Variants in KCTD20 observed in about 807,000 individuals in gnomAD.
The protein encoded by KCTD20 is BTB/POZ domain-containing protein KCTD20.
Under a neutral mutation model 39.6 loss-of-function variants are expected in KCTD20, and 30 were observed. That is an observed-to-expected ratio of 0.76 (90% CI 0.57 to 1.03). KCTD20 has a LOEUF of 1.03. KCTD20 is among the 50% of genes least tolerant of loss of function. The pLI, the probability that KCTD20 is intolerant of heterozygous loss-of-function variation, is 0.00. For missense variants in KCTD20, 422 were observed against 522.0 expected, an observed-to-expected ratio of 0.81 and a Z score of 1.87; for synonymous variants, 162 against 180.6, an observed-to-expected ratio of 0.90 and a Z score of 0.83.
chr6:36,471,449 A>G (rs1408048343), intron 2 of KCTD20, among the ~76,000 whole-genome samples: 1 of 152,152 alleles, frequency 6.6e-6, no homozygotes, highest in Non-Finnish European at 1.5e-5. Flanking sequence ...AGTGGCAGAG[A>G]CTGACCACAA....
At position 36,486,879 on chromosome 6, in the gene KCTD20, G is replaced by A. The variant is rs1776438024; in HGVS notation, c.968-4G>A. The A allele has an allele frequency of 1.2e-6, 2 of 1,607,228 alleles. No homozygotes were observed. The highest frequency in any genetic ancestry group is 1.7e-6 in the Non-Finnish European group (2 of 1,176,976). On this transcript the variant is annotated splice_region_variant and splice_polypyrimidine_tract_variant and intron_variant, in intron 7 of 7. Transcript: ENST00000373731. ...GTCATGAGAATGGCCTTTTTCCATTGCAGGTTACCCTACCTGTAAAGAAAA... is the reference window on the plus strand; with the variant it reads ...GTCATGAGAATGGCCTTTTTCCATTACAGGTTACCCTACCTGTAAAGAAAA...
At chr6:36,486,054 ACCACTATGCT>A (rs1234860714) in intron 7 of KCTD20, among the ~76,000 whole-genome samples, 1 of 151,942 alleles carries the variant, frequency 6.6e-6, no homozygotes, top group Non-Finnish European at 1.5e-5. Context: ...ACAGGCATGC[ACCACTATGCT>A]CCACTATTTT....
chr6:36,451,467 A>G (rs1775252689), intron 1 of KCTD20: 1 of 152,130 alleles, frequency 6.6e-6, no homozygotes, highest in Non-Finnish European at 1.5e-5. Context: ...AATCTAATAT[A>G]TCAATACTAT....
chr6:36,471,776 C>T (rs1021479696), intron 2 of KCTD20, among the ~76,000 whole-genome samples: 1 of 151,988 alleles, frequency 6.6e-6, no homozygotes, highest in Admixed American at 6.6e-5. Context: ...GGAATAAACC[C>T]ATTTTAATTG....
intron 1 of KCTD20, among the ~76,000 whole-genome samples, chr6:36,462,743 G>A (rs1775636244): frequency 6.6e-6 from 1 of 152,202 alleles, no homozygotes; most frequent in South Asian, 2.1e-4. Context: ...AAGCAAGACT[G>A]TGTCTTAGGT....
chr6:36,459,348 G>C (rs1351309802), intron 1 of KCTD20, among the ~76,000 whole-genome samples: 1 of 152,112 alleles, frequency 6.6e-6, no homozygotes, highest in Non-Finnish European at 1.5e-5. Context: ...TAGGTACAAA[G>C]GATAGCCCTT....
chr6:36,449,318 G>T (rs1352905801), intron 1 of KCTD20, among the ~76,000 whole-genome samples: 1 of 151,994 alleles, frequency 6.6e-6, no homozygotes, highest in Non-Finnish European at 1.5e-5. Context: ...TAGACACAGA[G>T]CACTGATTGG....
intron 7 of KCTD20, among the ~76,000 whole-genome samples, chr6:36,485,488 CTTTTTTTTTT>C (rs34990483): frequency 1.0e-5 from 1 of 97,100 alleles, no homozygotes. Flanking sequence ...TGGAGTGGAT[CTTTTTTTTTT>C]TTTTTTTTTT....
intron 3 of KCTD20, among the ~76,000 whole-genome samples, chr6:36,478,852 A>G (rs1267348459): frequency 6.6e-6 from 1 of 152,244 alleles, no homozygotes; most frequent in Non-Finnish European, 1.5e-5. Context: ...TTTACTGCCA[A>G]AGAAACTCAC....
intron 7 of KCTD20, among the ~76,000 whole-genome samples, chr6:36,485,197 G>T (rs1582378287): frequency 6.6e-6 from 1 of 151,988 alleles, no homozygotes; most frequent in African/African-American, 2.4e-5. Context: ...ATAGCTTGGG[G>T]ACTCAAAATT....
At chr6:36,476,494 A>G (rs889840407) in intron 3 of KCTD20, among the ~76,000 whole-genome samples, 1 of 150,364 alleles carries the variant, frequency 6.7e-6, no homozygotes, top group Non-Finnish European at 1.5e-5. Flanking sequence ...CAGTGGTGCA[A>G]TCTCGGCTCA....
chr6:36,479,779 ATTTTTTTTTTT>A (rs58609674), intron 5 of KCTD20, 68 bp downstream of exon 5: 69 of 268,408 alleles, frequency 2.6e-4, no homozygotes, highest in East Asian at 1.5e-3. Context: ...GAAGTCACCG[ATTTTTTTTTTT>A]TTTTTTTTTT....
chr6:36,471,650 A>G (rs886935389), intron 2 of KCTD20, among the ~76,000 whole-genome samples: 6 of 152,168 alleles, frequency 3.9e-5, no homozygotes, highest in African/African-American at 1.4e-4. Context: ...TAACTGACAG[A>G]AAAGCCTATG....
chr6:36,455,594 A>AGTGTGTGTGTGTGT (rs71737281), intron 1 of KCTD20, among the ~76,000 whole-genome samples: 69 of 150,466 alleles, frequency 4.6e-4, no homozygotes, highest in Middle Eastern at 3.5e-3. Context: ...TAGAACCAGT[A>AGTGTGTGTGTGTGT]GTGTGTGTGT....
intron 5 of KCTD20, among the ~76,000 whole-genome samples, chr6:36,481,204 A>G (rs1776235755): frequency 6.6e-6 from 1 of 152,232 alleles, no homozygotes; most frequent in Admixed American, 6.5e-5. Context: ...ATGGTACTCT[A>G]ACTCCATGAA....
rs186837777 is a variant in KCTD20, at chr6:36,450,096, G to A, written c.-47+6985G>A. 3.9e-3 allele frequency among the ~76,000 whole-genome samples: 586 copies of A among 149,652 alleles called. 5 individuals are homozygous for A. Among genetic ancestry groups the A allele is most frequent in the African/African-American group, 0.013 (542 of 40,568 alleles). ...GGAGAATGGCGTGAACCCAGGAGGC[G>A]GAGCTTGCAGTGAGCCGAGATTGCG... On this transcript the variant is annotated intron_variant, in intron 1 of 7. Transcript: ENST00000373731.
intron 1 of KCTD20, among the ~76,000 whole-genome samples, chr6:36,463,536 G>A (rs957877667): frequency 1.3e-5 from 2 of 152,192 alleles, no homozygotes; most frequent in African/African-American, 2.4e-5. Context: ...GAATGTATAT[G>A]TCCCTCCAAA....
chr6:36,445,366 T>C (rs184326324), intron 1 of KCTD20, among the ~76,000 whole-genome samples: 261 of 152,104 alleles, frequency 1.7e-3, no homozygotes, highest in Non-Finnish European at 3.2e-3. Flanking sequence ...CAAATAGATG[T>C]GTAGAGATGA....
At position 36,466,503 on chromosome 6, in the gene KCTD20, T is replaced by A. The variant is rs549310618; in HGVS notation, c.-46-3549T>A. On this transcript the variant is annotated intron_variant, in intron 1 of 7. Transcript: ENST00000373731. ...CTTAAATCATCCTCCCGCCTCAGCT[T>A]CCCAAGTAGCTGGGACTACAGGCAT... Among the ~76,000 whole-genome samples the A allele has an allele frequency of 3.3e-5, 5 of 151,962 alleles. No individual in the cohort carries two copies. The East Asian group carries it at 9.7e-4, about 29-fold the overall frequency.
Sources: allele counts gnomAD v4.1 joint callset (sites outside exome capture counted in the v4.1 genomes callset), GRCh38; gene constraint gnomAD v4.1.1; transcripts MANE v1.5; gene names NCBI Gene and HGNC (gene_info 2026-07-23, HGNC 2026-07-21).